GLYATL1: variants seen among roughly 807,000 people sequenced by gnomAD.
GLYATL1 encodes glycine-N-acyltransferase like 1, also known as glycine N-acyltransferase-like protein 1.
In GLYATL1, 15 loss-of-function variants were observed where a neutral mutation model predicts 20.0. That is an observed-to-expected ratio of 0.75 (90% CI 0.50 to 1.15). The LOEUF (loss-of-function observed/expected upper bound fraction) is 1.15. Among genes scored for constraint, GLYATL1 ranks in the 50% most tolerant of loss-of-function variants. The pLI, the probability that GLYATL1 is intolerant of heterozygous loss-of-function variation, is 0.00. For synonymous variants in GLYATL1, 151 were observed against 131.5 expected (o/e 1.15, Z -1.01); for missense variants, 380 against 368.5 (o/e 1.03, Z -0.26).
intron 1 of GLYATL1, among the ~76,000 whole-genome samples, chr11:58,930,866 G>GT (rs1855573218): frequency 6.6e-6 from 1 of 152,152 alleles, no homozygotes; most frequent in Non-Finnish European, 1.5e-5. Context: ...AAATATCTTT[G>GT]TATTAGTTTG....
downstream of GLYATL1, among the ~76,000 whole-genome samples, chr11:58,911,482 T>C (rs1855041878): frequency 1.3e-5 from 2 of 152,364 alleles, no homozygotes; most frequent in East Asian, 3.9e-4. Context: ...CATATACTTG[T>C]CAACACAAAG....
chr11:58,950,273 C>T (rs1207638162), intron 4 of GLYATL1, among the ~76,000 whole-genome samples: 1 of 150,324 alleles, frequency 6.7e-6, no homozygotes, highest in Non-Finnish European at 1.5e-5. Context: ...CCTTGGGCGA[C>T]GGAGCGAGAC....
downstream of GLYATL1, among the ~76,000 whole-genome samples, chr11:58,912,977 C>T (rs963514499): frequency 7.9e-5 from 12 of 152,162 alleles, no homozygotes; most frequent in Non-Finnish European, 1.5e-4. Flanking sequence ...TTTGAGAGGC[C>T]TCTGAGGAGG....
At chr11:58,916,995 G>A (rs2135106112) in intron 1 of GLYATL1, 1 of 152,312 alleles carries the variant, frequency 6.6e-6, no homozygotes, top group South Asian at 2.1e-4. Flanking sequence ...GGTTGTTGAA[G>A]GGGACCATCC....
At chr11:58,943,418 C>T in intron 1 of GLYATL1, 125 bp from the exon 2 acceptor site, 1 of 1,526,762 alleles carries the variant, frequency 6.5e-7, no homozygotes, top group Non-Finnish European at 8.8e-7. Context: ...TTCATTTTGA[C>T]CACGAGGCAC....
At chr11:58,942,741 T>C (rs1424003883) in intron 1 of GLYATL1, among the ~76,000 whole-genome samples, 1 of 152,146 alleles carries the variant, frequency 6.6e-6, no homozygotes, top group African/African-American at 2.4e-5. Context: ...TTAAATGTAT[T>C]AGTCATTGGC....
chr11:58,912,787 A>C (rs1056883497), downstream of GLYATL1, among the ~76,000 whole-genome samples: 4 of 152,336 alleles, frequency 2.6e-5, no homozygotes, highest in Non-Finnish European at 5.9e-5. Flanking sequence ...CTCCCACTTT[A>C]GGGACTGGGC....
chr11:58,918,436 G>T (rs903153976), intron 1 of GLYATL1, among the ~76,000 whole-genome samples: 2 of 152,144 alleles, frequency 1.3e-5, no homozygotes, highest in South Asian at 2.1e-4. Context: ...TTCCTAGGTG[G>T]GTTCCTGCAC....
At chr11:58,921,227 T>C (rs897301626) in intron 1 of GLYATL1, among the ~76,000 whole-genome samples, 2 of 151,974 alleles carry the variant, frequency 1.3e-5, no homozygotes, top group Non-Finnish European at 2.9e-5. Context: ...ATAGTTGGAG[T>C]GGGAAGCGCA....
intron 1 of GLYATL1, among the ~76,000 whole-genome samples, chr11:58,918,318 G>A (rs182793961): frequency 1.9e-4 from 29 of 152,332 alleles, no homozygotes; most frequent in Admixed American, 1.7e-3. Flanking sequence ...GGTTTGGACT[G>A]TAACATGAGC....
At chr11:58,923,674 C>T (rs1295219393), upstream of GLYATL1, among the ~76,000 whole-genome samples, 1 of 152,206 alleles carries the variant, frequency 6.6e-6, no homozygotes. Context: ...CTCACTCCTT[C>T]AGATCTGGGG....
chr11:58,907,715 A>G lies in GLYATL1; in HGVS notation n.713A>G. On this transcript the variant is annotated non_coding_transcript_exon_variant, in exon 2 of 2. Transcript: ENST00000524629. ...AGATATCAAGCTTTGTTAATTTCAC[A>G]ACTTTGGGTGCCAAAAATTTTTACA... 1.5e-5 allele frequency: 3 copies of G among 198,200 alleles called. No homozygotes were observed. The South Asian group carries it at 2.7e-4, about 18-fold the overall frequency. 12.3% of individuals were successfully genotyped at this position (198,200 alleles called of 1,614,324 possible). A position where few individuals can be genotyped will look rare whatever the true frequency, so the allele number is the denominator to read the frequency against.
At chr11:58,947,295 G>A in intron 3 of GLYATL1, 130 bp downstream of exon 3, 1 of 1,274,080 alleles carries the variant, frequency 7.8e-7, no homozygotes, top group South Asian at 1.6e-5. Context: ...TGGGACTGGG[G>A]GCACAGGCTG....
Position 58,947,865 on chromosome 11 carries a change from G to T in GLYATL1, c.86G>T (p.Gly29Val), listed in dbSNP as rs1315893206. The stretch of plus-strand genomic sequence containing the variant: ...CTTTCATCCCTCCTTCAGGTGTATG[G>T]CTCTGTGTATCACATCAATCACGGG... ...RSIPESLKVY[G>V]SVYHINHGNP... Residue 29 changes from glycine to valine, a missense_variant, in exon 4 of 7, where the codon GGC (glycine) becomes GTC (valine). Physicochemically the swap from Gly to Val is moderately radical, Grantham distance 109. Transcript: ENST00000532726. 1 of 1,610,808 alleles carries T rather than the reference G, an allele frequency of 6.2e-7. No homozygotes were observed. The highest frequency in any genetic ancestry group is 8.5e-7 in the Non-Finnish European group (1 of 1,177,238).
intron 1 of GLYATL1, among the ~76,000 whole-genome samples, chr11:58,932,924 T>C (rs1303285823): frequency 1.3e-5 from 2 of 152,172 alleles, no homozygotes; most frequent in Admixed American, 6.5e-5. Flanking sequence ...ATTTTTTAAG[T>C]TGGGAAAGAG....
At chr11:58,950,088 T>C (rs1354258680) in intron 4 of GLYATL1, among the ~76,000 whole-genome samples, 2 of 112,214 alleles carry the variant, frequency 1.8e-5, no homozygotes, top group African/African-American at 7.2e-5. Context: ...GAGACCACGG[T>C]GAAACCCTGT....
rs763032818 is a variant in GLYATL1 at position 58,955,849 on chromosome 11, T to C, written c.731T>C (p.Met244Thr). The C allele has an allele frequency of 1.9e-6, 3 of 1,614,206 alleles. No individual in the cohort carries two copies. The South Asian group carries it at 3.3e-5, about 18-fold the overall frequency. Residue 244 changes from methionine to threonine, a missense_variant, in exon 7 of 7, where the codon ATG becomes ACG. Transcript: ENST00000532726. Reference protein sequence around the residue: ...SMEKYRRTGNMARVMVRYMKY... With the variant: ...SMEKYRRTGNTARVMVRYMKY... ...GAAAAATACCGAAGGACAGGCAACATGGCACGAGTGATGGTGCGATACATG... is the reference window on the plus strand; with the variant it reads ...GAAAAATACCGAAGGACAGGCAACACGGCACGAGTGATGGTGCGATACATG...
intron 1 of GLYATL1, chr11:58,928,176 C>T (rs969530276): frequency 9.9e-5 from 15 of 152,216 alleles, no homozygotes; most frequent in African/African-American, 3.4e-4. Context: ...GAAACTGAAG[C>T]TCCACTAGCC....
chr11:58,908,445 T>C (rs986834799), exon 2 of GLYATL1: 1 of 179,570 alleles, frequency 5.6e-6, no homozygotes, highest in Non-Finnish European at 1.2e-5. Context: ...TAGAAGTTAG[T>C]TATATTGTCT....
Sources: gnomAD v4.1 joint callset for allele counts (sites outside exome capture counted in the v4.1 genomes callset) on GRCh38, gnomAD v4.1.1 for gene constraint, MANE v1.5 for transcripts, NCBI Gene and HGNC (gene_info 2026-07-23, HGNC 2026-07-21) for gene names.